The following ANKS1B variants were observed in gnomAD, a reference collection of about 807,000 sequenced individuals.
The protein encoded by ANKS1B is ankyrin repeat and sterile alpha motif domain-containing protein 1B.
ANKS1B carries 36 observed loss-of-function variants against 148.3 expected under a neutral mutation model. The observed-to-expected ratio is 0.24, with a 90% CI of 0.19 to 0.32. The LOEUF is 0.32. Among genes scored for constraint, ANKS1B ranks in the 10% least tolerant of loss-of-function variants. The probability of loss-of-function intolerance (pLI) is 1.00; values close to 1 mark genes in which losing one functional copy is unlikely to be tolerated. For missense variants in ANKS1B, 1,157 were observed against 1,542.6 expected (o/e 0.75, Z 4.19); for synonymous variants, 542 against 560.8 (o/e 0.97, Z 0.47).
chr12:98,907,843 AG>A (rs1259893310), intron 17 of ANKS1B, among the ~76,000 whole-genome samples: 2 of 152,122 alleles, frequency 1.3e-5, no homozygotes, highest in Non-Finnish European at 2.9e-5. Context: ...TGATTTTATA[AG>A]GGGTTTCCAC....
intron 1 of ANKS1B, among the ~76,000 whole-genome samples, chr12:99,931,962 T>C (rs989646331): frequency 6.6e-6 from 1 of 152,156 alleles, no homozygotes; most frequent in African/African-American, 2.4e-5. Flanking sequence ...CCTACTCTCT[T>C]ATATTCATGA....
chr12:98,846,519 C>T (rs149800545), intron 17 of ANKS1B, among the ~76,000 whole-genome samples: 2 of 152,344 alleles, frequency 1.3e-5, no homozygotes, highest in Non-Finnish European at 2.9e-5. Context: ...CCAGGTTGAC[C>T]TGTGCAGTGG....
rs2099865936 is a variant in ANKS1B, at chr12:98,958,394, TACTC to T, written c.2778+94759_2778+94762del. On this transcript the variant is annotated intron_variant, in intron 17 of 26. Transcript: ENST00000683438. ...AGAGTGAGGCTAAATGGATATCTGA[TACTC>T]ACTCGAATGTGATAGGCAGTCAACA... 2.6e-5 allele frequency among the ~76,000 whole-genome samples: 4 copies of T among 152,342 alleles called. No homozygotes were observed. In the South Asian group the frequency reaches 8.3e-4, roughly 32 times the overall value.
At chr12:99,760,419 A>G (rs2061975954) in intron 8 of ANKS1B, among the ~76,000 whole-genome samples, 1 of 151,930 alleles carries the variant, frequency 6.6e-6, no homozygotes. Context: ...TTTCAATTTC[A>G]TGAAAACTAA....
chr12:99,410,946 T>C (rs1003314226), intron 11 of ANKS1B, among the ~76,000 whole-genome samples: 3 of 152,224 alleles, frequency 2.0e-5, no homozygotes, highest in Non-Finnish European at 4.4e-5. Context: ...AGGAATGCAG[T>C]GGCTCTGCCC....
chr12:99,223,558 C>T (rs2153940848), intron 14 of ANKS1B, among the ~76,000 whole-genome samples: 1 of 152,162 alleles, frequency 6.6e-6, no homozygotes, highest in African/African-American at 2.4e-5. Context: ...AAGGTTCGCA[C>T]TCCTATGAGA....
chr12:99,418,242 A>C (rs2094966732), intron 11 of ANKS1B, among the ~76,000 whole-genome samples: 1 of 152,234 alleles, frequency 6.6e-6, no homozygotes, highest in African/African-American at 2.4e-5. Context: ...GTTAATAGAC[A>C]TCTATTAAAA....
chr12:99,472,518 G>A (rs2096257501), intron 10 of ANKS1B, among the ~76,000 whole-genome samples: 1 of 152,016 alleles, frequency 6.6e-6, no homozygotes, highest in Non-Finnish European at 1.5e-5. Flanking sequence ...TAGTTTTGTT[G>A]TTGTAACAAA....
chr12:99,868,586 T>C (rs1034593132), intron 1 of ANKS1B, among the ~76,000 whole-genome samples: 7 of 152,078 alleles, frequency 4.6e-5, no homozygotes, highest in Admixed American at 1.3e-4. Flanking sequence ...TAAAAATACA[T>C]AGCAAGATTA....
At chr12:99,975,827 G>C (rs529690712) in intron 1 of ANKS1B, among the ~76,000 whole-genome samples, 28 of 152,180 alleles carry the variant, frequency 1.8e-4, no homozygotes, top group African/African-American at 5.5e-4. Flanking sequence ...GCTACCATTC[G>C]ACCCAGCAAT....
At chr12:99,072,913 C>A (rs902275688) in intron 16 of ANKS1B, among the ~76,000 whole-genome samples, 2 of 152,132 alleles carry the variant, frequency 1.3e-5, no homozygotes, top group African/African-American at 4.8e-5. Flanking sequence ...CAGTGCCTGG[C>A]ATGCAGTAAG....
intron 8 of ANKS1B, among the ~76,000 whole-genome samples, chr12:99,690,032 A>G (rs555539216): frequency 6.6e-6 from 1 of 152,294 alleles, no homozygotes; most frequent in South Asian, 2.1e-4. Context: ...GGAAACTTAC[A>G]ATCATGGTGG....
chr12:98,825,578 A>T (rs1441970604), intron 19 of ANKS1B, among the ~76,000 whole-genome samples: 1 of 152,160 alleles, frequency 6.6e-6, no homozygotes, highest in Non-Finnish European at 1.5e-5. Context: ...GTGAAAATAC[A>T]AGTACTATTT....
At chr12:98,913,066 A>G (rs1164373158) in intron 17 of ANKS1B, among the ~76,000 whole-genome samples, 1 of 152,162 alleles carries the variant, frequency 6.6e-6, no homozygotes, top group Non-Finnish European at 1.5e-5. Context: ...ACTCATTTGT[A>G]TTATCCACCT....
chr12:98,948,005 A>C (rs1008135347), intron 17 of ANKS1B, among the ~76,000 whole-genome samples: 1 of 152,058 alleles, frequency 6.6e-6, no homozygotes, highest in African/African-American at 2.4e-5. Flanking sequence ...TAGAAATGAT[A>C]TATGCTGAGG....
intron 8 of ANKS1B, among the ~76,000 whole-genome samples, chr12:99,734,956 A>G (rs1191087880): frequency 6.6e-6 from 1 of 152,064 alleles, no homozygotes; most frequent in African/African-American, 2.4e-5. Flanking sequence ...TCCTCCTTCT[A>G]TGTTCTCTAT....
intron 17 of ANKS1B, among the ~76,000 whole-genome samples, chr12:98,858,120 G>A (rs1056784107): frequency 2.0e-5 from 3 of 152,052 alleles, no homozygotes; most frequent in African/African-American, 4.8e-5. Context: ...CTCCTCCTCC[G>A]CCCCCATCCC....
chr12:99,672,719 G>T (rs770128502), intron 8 of ANKS1B, among the ~76,000 whole-genome samples: 1 of 152,066 alleles, frequency 6.6e-6, no homozygotes, highest in Non-Finnish European at 1.5e-5. Context: ...TCTCTTCCAT[G>T]ATTGTCCTTC....
chr12:99,753,193 T>C lies in ANKS1B; in HGVS notation c.1128+19729A>G, dbSNP rs577434622. Reference sequence around the variant, plus strand: ...GAAAAAGAAAAAGTCTGAGCTGGAGTAAGTAAGGAGGTTTCTATATAAAGA... The same window carrying C: ...GAAAAAGAAAAAGTCTGAGCTGGAGCAAGTAAGGAGGTTTCTATATAAAGA... On this transcript the variant is annotated intron_variant, in intron 8 of 26. Coordinates refer to ENST00000683438, the MANE Select transcript of ANKS1B (RefSeq NM_001352186.2). 2.6e-5 allele frequency among the ~76,000 whole-genome samples: 4 copies of C among 152,132 alleles called. No homozygotes were observed. The East Asian group carries it at 7.7e-4, about 29-fold the overall frequency.
Sources: gnomAD v4.1 joint callset for allele counts (sites outside exome capture counted in the v4.1 genomes callset) on GRCh38, gnomAD v4.1.1 for gene constraint, MANE v1.5 for transcripts, NCBI Gene and HGNC (gene_info 2026-07-23, HGNC 2026-07-21) for gene names.